Variants in SPATS1 observed in about 807,000 individuals in gnomAD.
SPATS1 encodes the protein spermatogenesis associated serine rich 1, also known as spermatogenesis-associated serine-rich protein 1.
SPATS1 carries 23 observed loss-of-function variants against 33.6 expected under a neutral mutation model. The observed-to-expected ratio is 0.68, with a 90% CI of 0.49 to 0.97. The LOEUF (loss-of-function observed/expected upper bound fraction) is 0.97. Ranked by LOEUF, SPATS1 falls within the 50% of genes least tolerant of loss-of-function variation. The pLI is 0.00. For synonymous variants in SPATS1, 131 were observed against 125.6 expected (o/e 1.04, Z -0.29); for missense variants, 327 against 361.0 (o/e 0.91, Z 0.76).
At chr6:44,368,729 ATCTC>A (rs1291605061) in intron 6 of SPATS1, among the ~76,000 whole-genome samples, 4 of 152,168 alleles carry the variant, frequency 2.6e-5, no homozygotes, top group Non-Finnish European at 5.9e-5. Flanking sequence ...TTTTGTTCCT[ATCTC>A]TATTATCACA....
intron 2 of SPATS1, 96 bp downstream of exon 2, chr6:44,343,330 T>C: frequency 6.9e-7 from 1 of 1,451,760 alleles, no homozygotes. Context: ...CATTTGAAGT[T>C]TAGAAGGAAG....
At chr6:44,364,809 T>TC (rs60519744) in intron 5 of SPATS1, among the ~76,000 whole-genome samples, 1 of 151,242 alleles carries the variant, frequency 6.6e-6, no homozygotes, top group Admixed American at 6.6e-5. Flanking sequence ...TTTCTTTCTT[T>TC]TTTTTTTAGA....
chr6:44,369,046 G>A (rs988901470), intron 6 of SPATS1, among the ~76,000 whole-genome samples: 71 of 151,952 alleles, frequency 4.7e-4, no homozygotes, highest in South Asian at 1.5e-3. Flanking sequence ...ACAGGTGCCC[G>A]CCACCACACC....
intron 5 of SPATS1, among the ~76,000 whole-genome samples, chr6:44,365,510 A>C (rs1789190742): frequency 6.6e-6 from 1 of 152,182 alleles, no homozygotes; most frequent in Non-Finnish European, 1.5e-5. Context: ...GCTCCTTTCC[A>C]AGGATGCTGT....
At chr6:44,372,551 C>T (rs1171462225) in intron 7 of SPATS1, among the ~76,000 whole-genome samples, 1 of 151,922 alleles carries the variant, frequency 6.6e-6, no homozygotes, top group Admixed American at 6.6e-5. Flanking sequence ...CAACCTCCGC[C>T]CCTAGGTTCA....
At chr6:44,347,352 A>G (rs530847304) in intron 2 of SPATS1, among the ~76,000 whole-genome samples, 1 of 122,758 alleles carries the variant, frequency 8.1e-6, no homozygotes, top group Admixed American at 9.2e-5. Flanking sequence ...TTACACATGT[A>G]CCTCAGAACT....
intron 2 of SPATS1, among the ~76,000 whole-genome samples, chr6:44,352,173 C>T (rs1326140159): frequency 6.6e-6 from 1 of 152,012 alleles, no homozygotes; most frequent in African/African-American, 2.4e-5. Context: ...CTCTGTTGCC[C>T]AGGCTGGAGT....
chr6:44,365,081 T>A (rs1162894000), intron 5 of SPATS1, among the ~76,000 whole-genome samples: 1 of 152,118 alleles, frequency 6.6e-6, no homozygotes, highest in Non-Finnish European at 1.5e-5. Context: ...GAGCCACCAC[T>A]CCTGGCCCCC....
intron 6 of SPATS1, 68 bp from the exon 7 acceptor site, chr6:44,369,983 C>A: frequency 8.8e-7 from 1 of 1,136,374 alleles, no homozygotes; most frequent in Non-Finnish European, 1.3e-6. Context: ...CTATTGAATA[C>A]AATGATGTAT....
chr6:44,376,513 A>G, intron 8 of SPATS1, 40 bp downstream of exon 8: 2 of 1,445,520 alleles, frequency 1.4e-6, no homozygotes, highest in South Asian at 2.4e-5. Context: ...TAAAAACTGG[A>G]GGAGTCCGCC....
intron 6 of SPATS1, among the ~76,000 whole-genome samples, chr6:44,369,634 G>C (rs1265721904): frequency 2.0e-5 from 3 of 152,100 alleles, no homozygotes; most frequent in Non-Finnish European, 4.4e-5. Flanking sequence ...CACTTTGGGA[G>C]GCTGAGGCTG....
intron 2 of SPATS1, chr6:44,343,532 G>T (rs746758680): frequency 2.0e-6 from 1 of 509,758 alleles, no homozygotes; most frequent in South Asian, 1.5e-5. Context: ...CAGTGCTTGG[G>T]TTAATAAAAG....
chr6:44,345,508 C>G (rs1787820335), intron 2 of SPATS1, among the ~76,000 whole-genome samples: 1 of 152,192 alleles, frequency 6.6e-6, no homozygotes, highest in African/African-American at 2.4e-5. Flanking sequence ...GGAAAGGACC[C>G]TCTCTGATAC....
intron 7 of SPATS1, among the ~76,000 whole-genome samples, chr6:44,373,432 C>G (rs1789745728): frequency 6.6e-6 from 1 of 152,074 alleles, no homozygotes; most frequent in African/African-American, 2.4e-5. Flanking sequence ...AAATCTGATC[C>G]CCGCTACTTC....
rs901197611 is a variant in SPATS1, at chr6:44,379,418, G to A, written c.*2355G>A. Among the ~76,000 whole-genome samples the A allele has an allele frequency of 4.6e-5, 7 of 151,814 alleles. No individual in the cohort carries two copies. Among genetic ancestry groups the A allele is most frequent in the African/African-American group, 1.2e-4 (5 of 41,334 alleles). ...ATCCTGGCTAACATGGAGAAACCCT[G>A]TCTCTATTAAAAACACAAAAAAATT... On this transcript the variant is annotated 3_prime_UTR_variant, in exon 9 of 9. Transcript: ENST00000674044.
At position 44,352,721 on chromosome 6, in the gene SPATS1, T is replaced by TA. The variant is rs761014178; in HGVS notation, c.140-4dup. On this transcript the variant is annotated splice_region_variant and splice_polypyrimidine_tract_variant and intron_variant, in intron 2 of 8. Coordinates refer to ENST00000674044, the MANE Select transcript of SPATS1 (RefSeq NM_001372081.1). ...TAATTAAATGGTGATATCTCTGTGT[T>TA]ACAGGTGCTAATTGCAGTGATTTTC... 1.1e-5 allele frequency: 18 copies of TA among 1,613,554 alleles called. No homozygotes were observed. In the African/African-American group the frequency reaches 2.4e-4, roughly 22 times the overall value.
At chr6:44,361,547 C>T (rs1298860214) in intron 4 of SPATS1, 1 of 983,930 alleles carries the variant, frequency 1.0e-6, no homozygotes, top group African/African-American at 1.7e-5. Context: ...CCAATCAATA[C>T]TTAACTTCCA....
intron 5 of SPATS1, among the ~76,000 whole-genome samples, chr6:44,366,980 G>A (rs1789287308): frequency 6.6e-6 from 1 of 152,154 alleles, no homozygotes; most frequent in Non-Finnish European, 1.5e-5. Context: ...ACTCAGGTGC[G>A]ACAGACTCCA....
intron 6 of SPATS1, among the ~76,000 whole-genome samples, chr6:44,368,983 G>C (rs1435234744): frequency 2.0e-5 from 3 of 149,688 alleles, no homozygotes; most frequent in African/African-American, 4.9e-5. Flanking sequence ...TGCAAGCTCT[G>C]CCTCCTGGGT....
Sources: gnomAD v4.1 joint callset for allele counts (sites outside exome capture counted in the v4.1 genomes callset) on GRCh38, gnomAD v4.1.1 for gene constraint, MANE v1.5 for transcripts, NCBI Gene and HGNC (gene_info 2026-07-23, HGNC 2026-07-21) for gene names.